The following PRDM11 variants were observed in gnomAD, a reference collection of about 807,000 sequenced individuals.
PRDM11 encodes PR/SET domain 11.
PRDM11 carries 20 observed loss-of-function variants against 97.8 expected under a neutral mutation model. That is an observed-to-expected ratio of 0.20 (90% CI 0.14 to 0.30). The LOEUF is 0.30. Ranked by LOEUF, PRDM11 falls within the 10% of genes least tolerant of loss-of-function variation. The pLI is 1.00. For missense variants in PRDM11, 1,139 were observed against 1,555.2 expected (o/e 0.73, Z 4.50); for synonymous variants, 599 against 637.7 (o/e 0.94, Z 0.91).
At chr11:45,127,825 G>A (rs1852614409) in intron 1 of PRDM11, among the ~76,000 whole-genome samples, 1 of 152,228 alleles carries the variant, frequency 6.6e-6, no homozygotes, top group Admixed American at 6.5e-5. Context: ...GAGGCAGTCT[G>A]CCCGTTCTCA....
rs1854397010 is a variant in PRDM11, at chr11:45,231,408, T to TG, written c.*3251dup. On this transcript the variant is annotated 3_prime_UTR_variant, in exon 8 of 8. Coordinates refer to ENST00000683152, the MANE Select transcript of PRDM11 (RefSeq NM_001384648.1). Reference sequence around the variant, plus strand: ...TCCCCTTGATGTGTATACAGAACTGTGGAAAAGCAGTTGGTGGATCCCAAA... The same window carrying TG: ...TCCCCTTGATGTGTATACAGAACTGTGGGAAAAGCAGTTGGTGGATCCCAAA... The TG allele has an allele frequency of 1.3e-5, 2 of 152,122 alleles. No individual in the cohort carries two copies. The highest frequency in any genetic ancestry group is 4.8e-5 in the African/African-American group (2 of 41,394). The allele number at this position is 152,122 out of a possible 1,614,324, so 9.4% of individuals were successfully genotyped here.
At chr11:45,152,332 G>T (rs1000553499) in intron 1 of PRDM11, among the ~76,000 whole-genome samples, 11 of 152,174 alleles carry the variant, frequency 7.2e-5, no homozygotes, top group Non-Finnish European at 1.6e-4. Flanking sequence ...CTCCCAAAGT[G>T]TTGGGATTAC....
rs190251588 is a variant in PRDM11, at chr11:45,191,965, A to G, written c.486+8842A>G. 2.9e-3 allele frequency among the ~76,000 whole-genome samples: 443 copies of G among 152,126 alleles called. 2 individuals carry two copies. The highest frequency in any genetic ancestry group is 4.4e-3 in the Non-Finnish European group (298 of 67,996). ...CATCTAGGTTTTAAGCCTCCCATGC[A>G]TTAGGTATTTGTCTTAATGCTCTCC... On this transcript the variant is annotated intron_variant, in intron 4 of 7. Coordinates refer to ENST00000683152, the MANE Select transcript of PRDM11 (RefSeq NM_001384648.1).
chr11:45,136,358 G>A (rs1490374588), intron 1 of PRDM11, among the ~76,000 whole-genome samples: 2 of 152,050 alleles, frequency 1.3e-5, no homozygotes, highest in East Asian at 3.9e-4. Flanking sequence ...GTGAAAAGGT[G>A]TCCATCTCCT....
At chr11:45,224,927 AACCACCTTCCGG>A in intron 7 of PRDM11, 84 bp downstream of exon 7, 1 of 1,597,632 alleles carries the variant, frequency 6.3e-7, no homozygotes, top group Non-Finnish European at 8.5e-7. Flanking sequence ...TCTCTGTGGA[AACCACCTTCCGG>A]GAGACCTGAG....
At chr11:45,096,347 G>A (rs760298615) in intron 1 of PRDM11, among the ~76,000 whole-genome samples, 7 of 152,212 alleles carry the variant, frequency 4.6e-5, no homozygotes, top group Non-Finnish European at 8.8e-5. Context: ...CAGGCACCGT[G>A]CTGGATGCTT....
rs557971728 is a variant in PRDM11 at position 45,120,053 on chromosome 11, A to G, written c.96+24152A>G. Among the ~76,000 whole-genome samples, 144 of 152,356 alleles carry G rather than the reference A, an allele frequency of 9.5e-4. 3 individuals are homozygous for G. The South Asian group carries it at 0.026, about 28-fold the overall frequency. On this transcript the variant is annotated intron_variant, in intron 1 of 6. Transcript: ENST00000530656. ...AGTTAGAATATCTCTTAAAAATCCAATGGCCATTCTAGAATTGAAAATATA... is the reference window on the plus strand; with the variant it reads ...AGTTAGAATATCTCTTAAAAATCCAGTGGCCATTCTAGAATTGAAAATATA...
chr11:45,171,088 T>C (rs1852191594), intron 1 of PRDM11, among the ~76,000 whole-genome samples: 1 of 151,988 alleles, frequency 6.6e-6, no homozygotes, highest in Non-Finnish European at 1.5e-5. Context: ...TTGTTGTTGT[T>C]GTTGTTGTTT....
At chr11:45,102,484 G>T (rs1851995031) in intron 1 of PRDM11, among the ~76,000 whole-genome samples, 1 of 152,214 alleles carries the variant, frequency 6.6e-6, no homozygotes, top group Non-Finnish European at 1.5e-5. Context: ...AAGCACCCCA[G>T]CTGGGGCCCC....
intron 1 of PRDM11, among the ~76,000 whole-genome samples, chr11:45,117,226 CAAAAA>C (rs34073689): frequency 1.2e-5 from 1 of 82,260 alleles, no homozygotes; most frequent in Non-Finnish European, 2.3e-5. Flanking sequence ...GACTCCATCT[CAAAAA>C]AAAAAAAAAA....
intron 1 of PRDM11, among the ~76,000 whole-genome samples, chr11:45,117,226 C>CAAAAAA (rs34073689): frequency 7.3e-5 from 6 of 82,266 alleles, no homozygotes; most frequent in Admixed American, 1.4e-4. Flanking sequence ...GACTCCATCT[C>CAAAAAA]AAAAAAAAAA....
upstream of PRDM11, among the ~76,000 whole-genome samples, chr11:45,095,411 G>A (rs988444753): frequency 5.9e-5 from 9 of 152,202 alleles, no homozygotes; most frequent in Admixed American, 3.9e-4. Flanking sequence ...TGCTCATCAT[G>A]TTGGGGACAG....
At chr11:45,156,515 T>C (rs1294811022) in intron 1 of PRDM11, among the ~76,000 whole-genome samples, 3 of 152,220 alleles carry the variant, frequency 2.0e-5, no homozygotes, top group Non-Finnish European at 4.4e-5. Context: ...TGGATGGGTG[T>C]ATGGTGAGAG....
chr11:45,213,622 G>A (rs1184420898), intron 5 of PRDM11: 1 of 456,454 alleles, frequency 2.2e-6, no homozygotes, highest in East Asian at 7.0e-5. Flanking sequence ...GACGTCGGAG[G>A]AAGGAAAAGA....
At chr11:45,196,033 A>G (rs1853111724) in intron 4 of PRDM11, among the ~76,000 whole-genome samples, 1 of 152,190 alleles carries the variant, frequency 6.6e-6, no homozygotes, top group Non-Finnish European at 1.5e-5. Flanking sequence ...TCTTTCGGGC[A>G]TAATACCTAG....
rs1444144479 is a variant in PRDM11 at position 45,123,871 on chromosome 11, A to C, written c.96+27970A>C. The stretch of plus-strand genomic sequence containing the variant: ...ATGAATTTTAAAGTAATTTTTTCCA[A>C]TTCTGTGAAGAAAGTCATTGGTAGC... On this transcript the variant is annotated intron_variant, in intron 1 of 6. Coordinates refer to the PRDM11 transcript ENST00000530656. Among the ~76,000 whole-genome samples, 3 of 148,042 alleles carry C rather than the reference A, an allele frequency of 2.0e-5. No homozygotes were observed. The East Asian group carries it at 5.8e-4, about 29-fold the overall frequency.
At chr11:45,163,491 G>GT (rs1230681205) in intron 1 of PRDM11, among the ~76,000 whole-genome samples, 1 of 151,754 alleles carries the variant, frequency 6.6e-6, no homozygotes, top group Non-Finnish European at 1.5e-5. Context: ...TTGAGGATGG[G>GT]GGGGGGTACC....
rs899844266 is a variant in PRDM11, at chr11:45,161,636, G to A, written c.-7+14759G>A. On this transcript the variant is annotated intron_variant, in intron 1 of 7. Transcript: ENST00000683152. Reference sequence around the variant, plus strand: ...AGTCTGGGGCCAGCCTTTCCCCTGAGAGTCCCGGGACGGCTCTGGGCCACA... The same window carrying A: ...AGTCTGGGGCCAGCCTTTCCCCTGAAAGTCCCGGGACGGCTCTGGGCCACA... Among the ~76,000 whole-genome samples the A allele has an allele frequency of 3.3e-5, 5 of 152,382 alleles. No individual in the cohort carries two copies. In the South Asian group the frequency reaches 1.0e-3, roughly 32 times the overall value.
At position 45,227,760 on chromosome 11, in the gene PRDM11, G is replaced by A. The variant is rs765516193; in HGVS notation, c.3135G>A (p.Lys1045=). 2.2e-5 allele frequency: 34 copies of A among 1,533,840 alleles called. No individual in the cohort carries two copies. Among genetic ancestry groups the A allele is most frequent in the Middle Eastern group, 2.3e-4 (1 of 4,358 alleles). ...GSLLMEWREL[K]ADYYTKNGFK... The stretch of plus-strand genomic sequence containing the variant: ...TGTTGATGGAGTGGCGAGAACTCAA[G>A]GCTGATTACTACACCAAAAATGGCT... Residue 1045 remains lysine, a synonymous_variant, in exon 8 of 8, where the codon AAG becomes AAA. Transcript: ENST00000683152. The surrounding 1 kb of genome is among the most constrained non-coding windows in gnomAD (Gnocchi z 8.0).
Sources: allele counts gnomAD v4.1 joint callset (sites outside exome capture counted in the v4.1 genomes callset), GRCh38; gene constraint gnomAD v4.1.1; non-coding constraint Gnocchi (gnomAD v3.1); transcripts MANE v1.5; gene names NCBI Gene and HGNC (gene_info 2026-07-23, HGNC 2026-07-21).